RELN: variants seen among roughly 807,000 people sequenced by gnomAD.
The protein encoded by RELN is reelin.
Under a neutral mutation model 427.6 loss-of-function variants are expected in RELN, and 108 were observed. That is an observed-to-expected ratio of 0.25 (90% CI 0.22 to 0.30). The LOEUF is 0.30. Among genes scored for constraint, RELN ranks in the 10% least tolerant of loss-of-function variants. The pLI is 1.00. For synonymous variants in RELN, 1,524 were observed against 1,513.4 expected, an observed-to-expected ratio of 1.01 and a Z score of -0.16; for missense variants, 3,715 against 4,302.8, an observed-to-expected ratio of 0.86 and a Z score of 3.82.
intron 4 of RELN, among the ~76,000 whole-genome samples, chr7:103,763,933 GT>G (rs1791364314): frequency 6.6e-6 from 1 of 152,090 alleles, no homozygotes; most frequent in Non-Finnish European, 1.5e-5. Context: ...AAAGGGGTTG[GT>G]TTAAGAGACA....
At chr7:103,769,775 C>A (rs1158095631) in intron 4 of RELN, among the ~76,000 whole-genome samples, 1 of 152,192 alleles carries the variant, frequency 6.6e-6, no homozygotes. Context: ...TACTCTGTGA[C>A]CGTGATGAAT....
chr7:103,845,417 G>A (rs984922252), intron 2 of RELN, among the ~76,000 whole-genome samples: 1 of 152,168 alleles, frequency 6.6e-6, no homozygotes, highest in African/African-American at 2.4e-5. Flanking sequence ...CTAACCTCAA[G>A]TGATACACCC....
chr7:103,477,703 CAG>C (rs1828085401), intron 64 of RELN, among the ~76,000 whole-genome samples: 1 of 152,320 alleles, frequency 6.6e-6, no homozygotes, highest in African/African-American at 2.4e-5. Flanking sequence ...ATGTGCACCT[CAG>C]GGAGCTGTAA....
rs891117342 is a variant in RELN at position 103,953,381 on chromosome 7, A to G, written c.226+35750T>C. Among the ~76,000 whole-genome samples, 1 of 152,220 alleles carries G rather than the reference A, an allele frequency of 6.6e-6. No individual in the cohort carries two copies. The highest frequency in any genetic ancestry group is 2.4e-5 in the African/African-American group (1 of 41,456). ...CTGCCACAGACCATCAAGAAGACTC[A>G]AGACAACTCAGATAACGTGATTCAA... On this transcript the variant is annotated intron_variant, in intron 1 of 64. Coordinates refer to ENST00000428762, the MANE Select transcript of RELN (RefSeq NM_005045.4). This position sits in a 1 kb window ranked among gnomAD's most constrained non-coding sequence, Gnocchi z 4.3.
chr7:103,611,466 G>A, intron 21 of RELN, 145 bp downstream of exon 21: 1 of 640,680 alleles, frequency 1.6e-6, no homozygotes, highest in African/African-American at 1.9e-5. Context: ...CTGACTTTAT[G>A]TTAATTCTAA....
Position 103,515,458 on chromosome 7 carries a change from G to C in RELN, c.7863-17C>G. 2.5e-6 allele frequency: 4 copies of C among 1,613,392 alleles called. No individual in the cohort carries two copies. The South Asian group carries it at 3.3e-5, about 13-fold the overall frequency. On this transcript the variant is annotated splice_polypyrimidine_tract_variant and intron_variant, in intron 49 of 64. Coordinates refer to ENST00000428762, the MANE Select transcript of RELN (RefSeq NM_005045.4). ...TTCACAAATCTATAGGAAAATGATG[G>C]GGAAGGGTGTGGGGAAGAACCCTTG...
intron 9 of RELN, among the ~76,000 whole-genome samples, chr7:103,700,115 A>C (rs1489257685): frequency 6.6e-6 from 1 of 152,120 alleles, no homozygotes; most frequent in Non-Finnish European, 1.5e-5. Context: ...GAAACTGATA[A>C]GAAAATATTC....
chr7:103,550,314 C>G (rs1332687534), intron 41 of RELN, among the ~76,000 whole-genome samples: 1 of 152,126 alleles, frequency 6.6e-6, no homozygotes, highest in Non-Finnish European at 1.5e-5. Flanking sequence ...GAATATAAAT[C>G]TATTTCCATC....
chr7:103,783,092 G>A (rs1791932605), intron 3 of RELN, among the ~76,000 whole-genome samples: 1 of 151,798 alleles, frequency 6.6e-6, no homozygotes, highest in African/African-American at 2.4e-5. Context: ...ATCTTCAAAG[G>A]AATCAATTCA....
chr7:103,496,860 C>T, intron 55 of RELN, 92 bp from the exon 56 acceptor site: 5 of 1,466,580 alleles, frequency 3.4e-6, no homozygotes, highest in Non-Finnish European at 4.7e-6. Context: ...GTGAACTTCC[C>T]AAAGAAATTT....
intron 2 of RELN, among the ~76,000 whole-genome samples, chr7:103,854,972 C>G (rs2116474265): frequency 6.6e-6 from 1 of 152,256 alleles, no homozygotes; most frequent in Middle Eastern, 3.4e-3. Context: ...AAAGAGATGG[C>G]AAATGCAACT....
intron 20 of RELN, among the ~76,000 whole-genome samples, chr7:103,617,305 A>C (rs1165728309): frequency 6.6e-6 from 1 of 152,112 alleles, no homozygotes; most frequent in Admixed American, 6.5e-5. Flanking sequence ...CCCTTGCTTC[A>C]AATTTGTTGT....
chr7:103,848,000 G>A (rs529822506), intron 2 of RELN, among the ~76,000 whole-genome samples: 1 of 152,294 alleles, frequency 6.6e-6, no homozygotes, highest in African/African-American at 2.4e-5. Flanking sequence ...ATTTCTACCT[G>A]GAGCTGTTTG....
Position 103,480,465 on chromosome 7 carries a change from T to C in RELN, c.10281-2071A>G, listed in dbSNP as rs552065562. 2.3e-4 allele frequency among the ~76,000 whole-genome samples: 35 copies of C among 152,330 alleles called. No individual in the cohort carries two copies. The Middle Eastern group carries it at 0.01, about 44-fold the overall frequency. On this transcript the variant is annotated intron_variant, in intron 63 of 64. Coordinates refer to ENST00000428762, the MANE Select transcript of RELN (RefSeq NM_005045.4). ...ATACTAATGAATGCCTTAAAACTCT[T>C]TGTGGCTCTTTTGAAAAGAAGTACT...
At chr7:103,493,658 G>A (rs931262995) in intron 57 of RELN, among the ~76,000 whole-genome samples, 31 of 152,110 alleles carry the variant, frequency 2.0e-4, no homozygotes, top group African/African-American at 7.0e-4. Context: ...CATTTAGAGG[G>A]CTGAGGGGAG....
chr7:103,882,814 AAGCCCAGG>A (rs1794638405), intron 2 of RELN, among the ~76,000 whole-genome samples: 1 of 152,230 alleles, frequency 6.6e-6, no homozygotes, highest in Non-Finnish European at 1.5e-5. Flanking sequence ...CAGCCAAAAA[AAGCCCAGG>A]AGCAGACGGA....
At chr7:103,779,798 G>C (rs1170318350) in intron 3 of RELN, among the ~76,000 whole-genome samples, 1 of 152,136 alleles carries the variant, frequency 6.6e-6, no homozygotes, top group African/African-American at 2.4e-5. Context: ...CGTGATCTTG[G>C]CTCGCTGCAA....
intron 2 of RELN, among the ~76,000 whole-genome samples, chr7:103,880,679 T>G (rs926348892): frequency 6.6e-6 from 1 of 152,156 alleles, no homozygotes; most frequent in African/African-American, 2.4e-5. Flanking sequence ...AAGCACTTAA[T>G]AATGTATTTC....
chr7:103,887,413 G>C (rs1305999985), intron 2 of RELN, among the ~76,000 whole-genome samples: 3 of 152,166 alleles, frequency 2.0e-5, no homozygotes, highest in Non-Finnish European at 4.4e-5. Flanking sequence ...CAAACCAAAA[G>C]ATGAGTTGCA....
Sources: allele counts gnomAD v4.1 joint callset (sites outside exome capture counted in the v4.1 genomes callset), GRCh38; gene constraint gnomAD v4.1.1; non-coding constraint Gnocchi (gnomAD v3.1); transcripts MANE v1.5; gene names NCBI Gene and HGNC (gene_info 2026-07-23, HGNC 2026-07-21).